Variants in GAP43 observed in about 807,000 individuals in gnomAD.
The protein encoded by GAP43 is neuromodulin.
In GAP43, 6 loss-of-function variants were observed where a neutral mutation model predicts 18.6. The ratio of observed to expected loss-of-function variants is 0.32; its 90% CI spans 0.18 to 0.64. The LOEUF (loss-of-function observed/expected upper bound fraction) is 0.64. Among genes scored for constraint, GAP43 ranks in the 30% least tolerant of loss-of-function variants. The pLI, the probability that GAP43 is intolerant of heterozygous loss-of-function variation, is 0.78. For missense variants in GAP43, 292 were observed against 295.5 expected (o/e 0.99, Z 0.09); for synonymous variants, 115 against 111.4 (o/e 1.03, Z -0.20).
chr3:115,698,011 A>G (rs138020009), intron 2 of GAP43, among the ~76,000 whole-genome samples: 2 of 98,020 alleles, frequency 2.0e-5, no homozygotes, highest in African/African-American at 3.6e-5. Context: ...GTGTGTGTGT[A>G]TAAAATATAT....
At chr3:115,680,802 C>A (rs928368337) in intron 2 of GAP43, among the ~76,000 whole-genome samples, 3 of 152,052 alleles carry the variant, frequency 2.0e-5, no homozygotes, top group African/African-American at 4.8e-5. Flanking sequence ...AAATGAAATA[C>A]CCAGCTCATA....
In GAP43 at chr3:115,666,003, T is replaced by A. The variant is rs868500291; in HGVS notation, c.31-10010T>A. 3.7e-3 allele frequency among the ~76,000 whole-genome samples: 527 copies of A among 141,216 alleles called. 5 individuals carry two copies. The highest frequency in any genetic ancestry group is 0.016 in the African/African-American group (493 of 31,662). 92.6% of individuals were successfully genotyped at this position (141,216 alleles called of 152,430 possible). ...GTGGCTAAATGAGTGTGTGTGTGTGTGTGTGTGTGTGTGTGTGTGTGTGTG... is the reference window on the plus strand; with the variant it reads ...GTGGCTAAATGAGTGTGTGTGTGTGAGTGTGTGTGTGTGTGTGTGTGTGTG... On this transcript the variant is annotated intron_variant, in intron 1 of 2. Coordinates refer to ENST00000305124, the MANE Select transcript of GAP43 (RefSeq NM_002045.4).
At position 115,646,647 on chromosome 3, in the gene GAP43, G is replaced by A. The variant is rs573288468; in HGVS notation, c.30+22928G>A. 6.6e-5 allele frequency among the ~76,000 whole-genome samples: 10 copies of A among 152,008 alleles called. 1 individual carries two copies. Among genetic ancestry groups the A allele is most frequent in the East Asian group, 3.9e-4 (2 of 5,160 alleles). On this transcript the variant is annotated intron_variant, in intron 1 of 2. Coordinates refer to ENST00000305124, the MANE Select transcript of GAP43 (RefSeq NM_002045.4). ...TGAGACAAAAGAGGGAAAGCCCTTC[G>A]GATATCTTGAATTAAATATAAACCC...
chr3:115,709,403 C>T (rs1709406094), intron 2 of GAP43, among the ~76,000 whole-genome samples: 1 of 152,164 alleles, frequency 6.6e-6, no homozygotes, highest in Non-Finnish European at 1.5e-5. Context: ...AGGCTGGAGG[C>T]TGAAATCCCA....
chr3:115,710,712 A>T (rs2107375169), intron 2 of GAP43, among the ~76,000 whole-genome samples: 1 of 152,336 alleles, frequency 6.6e-6, no homozygotes, highest in East Asian at 1.9e-4. Flanking sequence ...TTCATTATTT[A>T]ATGTCCCTTC....
At chr3:115,649,810 TAAA>T (rs759106999) in intron 1 of GAP43, among the ~76,000 whole-genome samples, 1 of 94,600 alleles carries the variant, frequency 1.1e-5, no homozygotes, top group Non-Finnish European at 2.2e-5. Context: ...ACCCTGTCTC[TAAA>T]AAAAAAAAAA....
intron 1 of GAP43, among the ~76,000 whole-genome samples, chr3:115,630,299 C>A (rs1708245619): frequency 6.6e-6 from 1 of 152,150 alleles, no homozygotes; most frequent in Non-Finnish European, 1.5e-5. Context: ...ATTTGGATTT[C>A]TTTTCTTCCG....
chr3:115,627,330 C>T (rs1012464461), intron 1 of GAP43, among the ~76,000 whole-genome samples: 1 of 151,556 alleles, frequency 6.6e-6, no homozygotes, highest in African/African-American at 2.4e-5. Flanking sequence ...CCTACCAACC[C>T]ATGCTGAGGC....
chr3:115,660,490 C>T (rs375340044), intron 1 of GAP43, among the ~76,000 whole-genome samples: 7 of 152,172 alleles, frequency 4.6e-5, no homozygotes, highest in African/African-American at 7.2e-5. Flanking sequence ...AGAAACAGAT[C>T]CAGAGAAGTG....
chr3:115,671,186 T>G (rs1456834599), intron 1 of GAP43, among the ~76,000 whole-genome samples: 1 of 152,200 alleles, frequency 6.6e-6, no homozygotes, highest in Non-Finnish European at 1.5e-5. Flanking sequence ...TTTTGTAACA[T>G]ATTGAATGCA....
At chr3:115,716,066 C>T (rs962174253) in intron 2 of GAP43, among the ~76,000 whole-genome samples, 17 of 152,052 alleles carry the variant, frequency 1.1e-4, no homozygotes, top group Admixed American at 3.3e-4. Context: ...AGTAAGAGCT[C>T]GAAAATGTTA....
chr3:115,638,709 T>C (rs898005110), intron 1 of GAP43, among the ~76,000 whole-genome samples: 2 of 152,080 alleles, frequency 1.3e-5, no homozygotes, highest in Admixed American at 1.3e-4. Flanking sequence ...CTAAACACTG[T>C]TCCTTTTGTC....
At chr3:115,689,396 CAAT>C (rs1179397196) in intron 2 of GAP43, among the ~76,000 whole-genome samples, 16 of 152,104 alleles carry the variant, frequency 1.1e-4, no homozygotes, top group Non-Finnish European at 2.2e-4. Flanking sequence ...TCTGACTGGC[CAAT>C]AATATGGATT....
At position 115,684,968 on chromosome 3, in the gene GAP43, C is replaced by A. The variant is rs115672088; in HGVS notation, c.628+8358C>A. ...AAATAAATTGATTCAGGTCATAATT[C>A]TGCAGCAGCTTTTTAACCTTCAGTG... On this transcript the variant is annotated intron_variant, in intron 2 of 2. Coordinates refer to ENST00000305124, the MANE Select transcript of GAP43 (RefSeq NM_002045.4). Among the ~76,000 whole-genome samples the A allele has an allele frequency of 4.5e-3, 692 of 152,320 alleles. 4 individuals carry two copies. Among genetic ancestry groups the A allele is most frequent in the African/African-American group, 0.016 (664 of 41,578 alleles).
intron 1 of GAP43, among the ~76,000 whole-genome samples, chr3:115,633,910 A>G (rs1708296033): frequency 6.6e-6 from 1 of 152,132 alleles, no homozygotes; most frequent in South Asian, 2.1e-4. Context: ...CAGAAATGCT[A>G]CTCCTTGACA....
chr3:115,665,183 A>C (rs1708717438), intron 1 of GAP43, among the ~76,000 whole-genome samples: 1 of 152,120 alleles, frequency 6.6e-6, no homozygotes, highest in Non-Finnish European at 1.5e-5. Context: ...TTTAAGAAAA[A>C]TCACTCAGCT....
At chr3:115,632,028 G>A (rs1348028347) in intron 1 of GAP43, among the ~76,000 whole-genome samples, 2 of 152,118 alleles carry the variant, frequency 1.3e-5, no homozygotes, top group Non-Finnish European at 2.9e-5. Flanking sequence ...AGTGTTACAA[G>A]ACCCAAGGAT....
Position 115,647,925 on chromosome 3 carries a change from T to C in GAP43, c.30+24206T>C, listed in dbSNP as rs141642960. On this transcript the variant is annotated intron_variant, in intron 1 of 2. Transcript: ENST00000305124. The stretch of plus-strand genomic sequence containing the variant: ...GAGGTTATTGTTTGAAACACGTATA[T>C]AGAAGAGAAAATAAAACCATGGACT... 2.0e-4 allele frequency among the ~76,000 whole-genome samples: 30 copies of C among 152,078 alleles called. No individual in the cohort carries two copies. In the East Asian group the frequency reaches 5.8e-3, roughly 30 times the overall value.
chr3:115,688,874 T>C (rs1039148931), intron 2 of GAP43, among the ~76,000 whole-genome samples: 1 of 152,230 alleles, frequency 6.6e-6, no homozygotes, highest in Non-Finnish European at 1.5e-5. Context: ...GCTTGCCTAC[T>C]TTTTGCAATC....
Sources: allele counts gnomAD v4.1 joint callset (sites outside exome capture counted in the v4.1 genomes callset), GRCh38; gene constraint gnomAD v4.1.1; transcripts MANE v1.5; gene names NCBI Gene and HGNC (gene_info 2026-07-23, HGNC 2026-07-21).